Variants in DEFB134 observed in about 807,000 individuals in gnomAD.
DEFB134 encodes beta-defensin 134.
A neutral mutation model predicts 7.4 loss-of-function variants in DEFB134; 7 were observed. That is an observed-to-expected ratio of 0.95 (90% CI 0.54 to 1.79). The LOEUF (loss-of-function observed/expected upper bound fraction) is 1.79, where lower values mean the gene tolerates loss of function less well. Ranked by LOEUF, DEFB134 falls within the 40% of genes most tolerant of loss-of-function variation. DEFB134 has a pLI of 0.00. For synonymous variants in DEFB134, 33 were observed against 25.0 expected (o/e 1.32, Z -0.96); for missense variants, 105 against 74.8 (o/e 1.40, Z -1.49).
chr8:11,998,642 A>T (rs961267120), upstream of DEFB134, among the ~76,000 whole-genome samples: 5 of 152,092 alleles, frequency 3.3e-5, no homozygotes, highest in Non-Finnish European at 7.4e-5. Context: ...GAACTAAAAA[A>T]ACAAGAGCAA....
chr8:11,996,823 T>G (rs1201154276), upstream of DEFB134, among the ~76,000 whole-genome samples: 1 of 152,230 alleles, frequency 6.6e-6, no homozygotes, highest in African/African-American at 2.4e-5. Context: ...AGTGTCACTA[T>G]AAACTTCATA....
intron 1 of DEFB134, 91 bp from the exon 3 acceptor site, chr8:11,994,213 CA>C: frequency 7.0e-7 from 1 of 1,424,418 alleles, no homozygotes; most frequent in Non-Finnish European, 9.4e-7. Flanking sequence ...AACCGGATAC[CA>C]AGGAGATTTG....
At chr8:11,994,284 C>T (rs750321297) in intron 1 of DEFB134, among the ~76,000 whole-genome samples, 162 bp from the exon 3 acceptor site, 4 of 152,126 alleles carry the variant, frequency 2.6e-5, no homozygotes, top group Non-Finnish European at 5.9e-5. Flanking sequence ...TGAATTGTGT[C>T]ACCCCAAAAT....
chr8:11,996,004 C>T lies in DEFB134; in HGVS notation c.58+190G>A, dbSNP rs566539582. ...GGCTCAGAGAAGCTTAGACCTTTGT[C>T]CAAAGTTATATAGTTAACAAGTTGG... On this transcript the variant is annotated intron_variant, in intron 1 of 1. Coordinates refer to ENST00000526438, the Ensembl canonical transcript of DEFB134. Among the ~76,000 whole-genome samples the T allele has an allele frequency of 9.2e-4, 137 of 149,326 alleles. 1 individual carries two copies. The Middle Eastern group carries it at 0.01, about 11-fold the overall frequency.
upstream of DEFB134, chr8:11,996,444 G>A: frequency 2.2e-6 from 1 of 460,946 alleles, no homozygotes; most frequent in Non-Finnish European, 3.8e-6. Flanking sequence ...GAAAAAAAAT[G>A]GACAGCCCTT....
At chr8:11,996,143 A>C in intron 1 of DEFB134, 51 bp downstream of exon 2, 1 of 1,604,596 alleles carries the variant, frequency 6.2e-7, no homozygotes, top group Non-Finnish European at 8.5e-7. Flanking sequence ...GTTTAGTGGC[A>C]TTGTTCTTCT....
At chr8:11,996,322 G>T, upstream of DEFB134, 1 of 1,564,268 alleles carries the variant, frequency 6.4e-7, no homozygotes, top group Non-Finnish European at 8.8e-7. Context: ...GAGAGAAGAG[G>T]TTGAGCACAC....
intron 1 of DEFB134, 119 bp from the exon 3 acceptor site, chr8:11,994,241 C>T: frequency 7.9e-7 from 1 of 1,259,154 alleles, no homozygotes; most frequent in Non-Finnish European, 1.1e-6. Context: ...ATAATTGATC[C>T]TGTAACTGAA....
upstream of DEFB134, among the ~76,000 whole-genome samples, chr8:11,998,154 T>G (rs894004441): frequency 6.6e-6 from 1 of 151,992 alleles, no homozygotes; most frequent in African/African-American, 2.4e-5. Flanking sequence ...AATCAAGAAA[T>G]TCTTTGAAAC....
chr8:11,994,152 C>G (rs1299884755), intron 1 of DEFB134, 30 bp from the exon 3 acceptor site: 2 of 1,591,428 alleles, frequency 1.3e-6, no homozygotes, highest in African/African-American at 1.4e-5. Flanking sequence ...AAAGATAATT[C>G]ACTACAGGCC....
chr8:11,994,152 C>A, intron 1 of DEFB134, 30 bp from the exon 3 acceptor site: 1 of 1,591,424 alleles, frequency 6.3e-7, no homozygotes, highest in South Asian at 1.1e-5. Context: ...AAAGATAATT[C>A]ACTACAGGCC....
exon 2 of DEFB134, chr8:11,993,786 G>A (rs1240478355): frequency 3.3e-6 from 2 of 598,960 alleles, no homozygotes; most frequent in East Asian, 3.3e-5. Flanking sequence ...GTGAAAAACC[G>A]AGCTCTTTTA....
At chr8:11,995,411 A>G (rs1300205620) in intron 1 of DEFB134, among the ~76,000 whole-genome samples, 1 of 152,222 alleles carries the variant, frequency 6.6e-6, no homozygotes, top group Non-Finnish European at 1.5e-5. Flanking sequence ...CCATCTAGGC[A>G]GATGAACCAA....
chr8:11,996,099 A>C (rs2150559708), intron 1 of DEFB134, 95 bp downstream of exon 2: 1 of 1,419,996 alleles, frequency 7.0e-7, no homozygotes, highest in Non-Finnish European at 9.7e-7. Flanking sequence ...CTTGAAAATT[A>C]AAGGGCCCAT....
chr8:12,000,278 T>A (rs375194965), upstream of DEFB134, among the ~76,000 whole-genome samples: 1 of 152,210 alleles, frequency 6.6e-6, no homozygotes, highest in Non-Finnish European at 1.5e-5. Context: ...ATATCAATTA[T>A]TTGTGTCTCT....
intron 1 of DEFB134, among the ~76,000 whole-genome samples, chr8:11,994,691 G>A (rs1800070267): frequency 6.6e-6 from 1 of 152,182 alleles, no homozygotes; most frequent in Admixed American, 6.5e-5. Context: ...TATTCACATA[G>A]TCATTCATTC....
chr8:11,994,206 C>T (rs1022070765), intron 1 of DEFB134, 84 bp from the exon 3 acceptor site: 28 of 1,448,944 alleles, frequency 1.9e-5, no homozygotes, highest in Admixed American at 1.5e-4. Context: ...TTTATCCAAC[C>T]GGATACCAAG....
At chr8:11,997,761 C>A (rs573821808), upstream of DEFB134, among the ~76,000 whole-genome samples, 1 of 152,248 alleles carries the variant, frequency 6.6e-6, no homozygotes. Context: ...GATAACCACA[C>A]AATAATAACG....
At chr8:11,995,011 CCTAT>C (rs982901094) in intron 1 of DEFB134, among the ~76,000 whole-genome samples, 1 of 152,072 alleles carries the variant, frequency 6.6e-6, no homozygotes, top group African/African-American at 2.4e-5. Context: ...AAACACATAC[CCTAT>C]CTGAGTCATA....
Sources: allele counts gnomAD v4.1 joint callset (sites outside exome capture counted in the v4.1 genomes callset), GRCh38; gene constraint gnomAD v4.1.1; transcripts MANE v1.5; gene names NCBI Gene and HGNC (gene_info 2026-07-23, HGNC 2026-07-21).